The following MAPKAPK5 variants were observed in gnomAD, a reference collection of about 807,000 sequenced individuals.
The protein encoded by MAPKAPK5 is MAP kinase-activated protein kinase 5.
Under a neutral mutation model 65.1 loss-of-function variants are expected in MAPKAPK5, and 30 were observed. The ratio of observed to expected loss-of-function variants is 0.46; its 90% CI spans 0.34 to 0.63. MAPKAPK5 has a LOEUF of 0.63. MAPKAPK5 is among the 20% of genes least tolerant of loss of function. MAPKAPK5 has a pLI of 0.01. For synonymous variants in MAPKAPK5, 179 were observed against 204.6 expected (o/e 0.87, Z 1.07); for missense variants, 433 against 581.4 (o/e 0.74, Z 2.63).
intron 8 of MAPKAPK5, 63 bp downstream of exon 8, chr12:111,880,590 T>G: frequency 6.9e-7 from 1 of 1,447,656 alleles, no homozygotes; most frequent in Non-Finnish European, 9.7e-7. Flanking sequence ...GTGAGGTGTT[T>G]GTGGCCCTCT....
intron 1 of MAPKAPK5, among the ~76,000 whole-genome samples, chr12:111,855,068 G>A (rs574913447): frequency 1.7e-4 from 26 of 152,164 alleles, no homozygotes; most frequent in African/African-American, 5.8e-4. Flanking sequence ...GCATAAAGTC[G>A]TTCATGGTTT....
intron 1 of MAPKAPK5, among the ~76,000 whole-genome samples, chr12:111,846,490 GTTTCTT>G (rs72333897): frequency 0.19 from 27,772 of 148,570 alleles, 2,523 homozygotes; most frequent in Middle Eastern, 0.26. Flanking sequence ...TAATTCATAA[GTTTCTT>G]TTTCTTTTTT....
At chr12:111,855,334 T>C (rs1425047433) in intron 1 of MAPKAPK5, among the ~76,000 whole-genome samples, 3 of 152,176 alleles carry the variant, frequency 2.0e-5, no homozygotes, top group Non-Finnish European at 2.9e-5. Flanking sequence ...GTCTGCTCTT[T>C]TTCTACATTT....
chr12:111,881,527 C>A (rs1334218566), intron 8 of MAPKAPK5, among the ~76,000 whole-genome samples: 1 of 151,874 alleles, frequency 6.6e-6, no homozygotes, highest in Non-Finnish European at 1.5e-5. Context: ...GCCTCAGCCT[C>A]CCAAGTAGCT....
Position 111,882,623 on chromosome 12 carries a change from T to G in MAPKAPK5, c.661-958T>G, listed in dbSNP as rs535502633. Among the ~76,000 whole-genome samples the G allele has an allele frequency of 7.2e-5, 11 of 152,302 alleles. No homozygotes were observed. In the East Asian group the frequency reaches 1.4e-3, roughly 19 times the overall value. The stretch of plus-strand genomic sequence containing the variant: ...ACTAAAATAGGAGTCCTTTATGCAG[T>G]GATATAGGCCATGGAGTCACCTTAC... On this transcript the variant is annotated intron_variant, in intron 8 of 13. Transcript: ENST00000550735.
chr12:111,871,637 C>T (rs867519230), intron 7 of MAPKAPK5, among the ~76,000 whole-genome samples: 5 of 151,488 alleles, frequency 3.3e-5, no homozygotes, highest in South Asian at 2.1e-4. Context: ...AGCGAGACTC[C>T]GTCTCAAAAA....
At chr12:111,878,048 T>C (rs2070054778) in intron 7 of MAPKAPK5, among the ~76,000 whole-genome samples, 1 of 151,686 alleles carries the variant, frequency 6.6e-6, no homozygotes, top group Non-Finnish European at 1.5e-5. Context: ...AAGAGATGGA[T>C]ACGAATCTTT....
At chr12:111,888,791 A>T (rs2070500757) in intron 11 of MAPKAPK5, 94 bp from the exon 12 acceptor site, 1 of 1,530,216 alleles carries the variant, frequency 6.5e-7, no homozygotes, top group African/African-American at 1.4e-5. Flanking sequence ...TATTTTTCTG[A>T]TACATCTGTT....
intron 7 of MAPKAPK5, among the ~76,000 whole-genome samples, chr12:111,878,002 C>CT (rs35586161): frequency 1.5e-3 from 214 of 140,454 alleles, no homozygotes; most frequent in African/African-American, 2.2e-3. Context: ...GACTCTGACT[C>CT]TTTTTTTTTT....
In MAPKAPK5 at chr12:111,886,603, G is replaced by T. The variant is rs556136076; in HGVS notation, c.969+567G>T. Among the ~76,000 whole-genome samples, 251 of 152,370 alleles carry T rather than the reference G, an allele frequency of 1.6e-3. 1 individual carries two copies. Among genetic ancestry groups the T allele is most frequent in the Middle Eastern group, 6.8e-3 (2 of 294 alleles). On this transcript the variant is annotated intron_variant, in intron 10 of 13. Coordinates refer to ENST00000550735, the MANE Select transcript of MAPKAPK5 (RefSeq NM_003668.4). ...TTGAGTAGACAGTGTAAACGCCCAT[G>T]CGTGGCGAACAGCATAAGCAAAAAA...
intron 1 of MAPKAPK5, among the ~76,000 whole-genome samples, chr12:111,850,899 CTTTTT>C (rs1028992831): frequency 1.6e-5 from 2 of 126,080 alleles, no homozygotes; most frequent in Admixed American, 7.9e-5. Context: ...AACCCATTTT[CTTTTT>C]TTTTTTTTTT....
intron 3 of MAPKAPK5, among the ~76,000 whole-genome samples, chr12:111,866,765 A>G (rs2136106838): frequency 6.6e-6 from 1 of 152,174 alleles, no homozygotes; most frequent in East Asian, 1.9e-4. Flanking sequence ...ATGCGCCACC[A>G]CGCATCTTGT....
intron 1 of MAPKAPK5, among the ~76,000 whole-genome samples, chr12:111,847,357 A>AAAC: frequency 6.6e-6 from 1 of 151,706 alleles, no homozygotes; most frequent in African/African-American, 2.4e-5. Context: ...AAAAAAAAAA[A>AAAC]AAAATTTAGG....
intron 1 of MAPKAPK5, among the ~76,000 whole-genome samples, chr12:111,844,441 T>G (rs1165574172): frequency 6.6e-6 from 1 of 152,210 alleles, no homozygotes; most frequent in African/African-American, 2.4e-5. Flanking sequence ...TTTGCCCGCC[T>G]CGGCCTCCCA....
intron 1 of MAPKAPK5, among the ~76,000 whole-genome samples, chr12:111,846,527 G>C (rs2068911206): frequency 7.2e-6 from 1 of 139,732 alleles, no homozygotes; most frequent in African/African-American, 2.7e-5. Context: ...AGACGGTCTT[G>C]CTCTGATGCC....
In MAPKAPK5 at chr12:111,900,401, G is replaced by A. The variant is rs76931447; in HGVS notation, c.*7340G>A. The A allele has an allele frequency of 1.5e-3, 697 of 456,000 alleles. 8 individuals are homozygous for A. Among genetic ancestry groups the A allele is most frequent in the African/African-American group, 0.013 (635 of 50,168 alleles). 28.2% of individuals were successfully genotyped at this position (456,000 alleles called of 1,614,324 possible). A position where few individuals can be genotyped will look rare whatever the true frequency, so the allele number is the denominator to read the frequency against. On this transcript the variant is annotated 3_prime_UTR_variant, in exon 14 of 14. Coordinates refer to ENST00000550735, the MANE Select transcript of MAPKAPK5 (RefSeq NM_003668.4). ...ACCTGGGTATTCAGCACGACCACTC[G>A]GCCTGCTTTTGTAAAGATAAGCACT...
chr12:111,877,889 AC>A (rs1213813969), intron 7 of MAPKAPK5, among the ~76,000 whole-genome samples: 2 of 150,880 alleles, frequency 1.3e-5, no homozygotes, highest in African/African-American at 2.4e-5. Flanking sequence ...ATGGGGCCTC[AC>A]CACATTGTCC....
chr12:111,881,275 T>C (rs1053516819), intron 8 of MAPKAPK5, among the ~76,000 whole-genome samples: 1 of 152,114 alleles, frequency 6.6e-6, no homozygotes, highest in African/African-American at 2.4e-5. Flanking sequence ...GGTTTCTCCA[T>C]GTTGGCCAAG....
rs988660082 is a variant in MAPKAPK5, at chr12:111,887,478, G to C, written c.970-1010G>C. 3.3e-5 allele frequency: 5 copies of C among 152,220 alleles called. No individual in the cohort carries two copies. In the South Asian group the frequency reaches 1.0e-3, roughly 31 times the overall value. The allele number at this position is 152,220 out of a possible 1,614,324, so 9.4% of individuals were successfully genotyped here. A position where few individuals can be genotyped will look rare whatever the true frequency, so the allele number is the denominator to read the frequency against. ...ACTTGAGGTCAAGAGTTCCAGACTA[G>C]CCTGGCCAACATGAGGAAACCCCAT... On this transcript the variant is annotated intron_variant, in intron 10 of 13. Transcript: ENST00000550735.
Sources: gnomAD v4.1 joint callset for allele counts (sites outside exome capture counted in the v4.1 genomes callset) on GRCh38, gnomAD v4.1.1 for gene constraint, MANE v1.5 for transcripts, NCBI Gene and HGNC (gene_info 2026-07-23, HGNC 2026-07-21) for gene names.